PCDH15: variants seen among roughly 807,000 people sequenced by gnomAD.
PCDH15 encodes the protein protocadherin related 15, also known as protocadherin-15.
A neutral mutation model predicts 178.5 loss-of-function variants in PCDH15; 129 were observed. The observed-to-expected ratio is 0.72, with a 90% CI of 0.63 to 0.84. The LOEUF is 0.84. Ranked by LOEUF, PCDH15 falls within the 40% of genes least tolerant of loss-of-function variation. The pLI is 0.00. For synonymous variants in PCDH15, 800 were observed against 732.0 expected (o/e 1.09, Z -1.50); for missense variants, 2,230 against 2,099.9 (o/e 1.06, Z -1.21).
At chr10:54,221,347 G>A (rs1591263109) in intron 9 of PCDH15, among the ~76,000 whole-genome samples, 3 of 151,920 alleles carry the variant, frequency 2.0e-5, no homozygotes, top group Non-Finnish European at 2.9e-5. Flanking sequence ...TGAAGATTAC[G>A]GGTTTTCTGT....
At chr10:55,375,851 A>C (rs767490102) in intron 2 of PCDH15, among the ~76,000 whole-genome samples, 2 of 152,072 alleles carry the variant, frequency 1.3e-5, no homozygotes, top group Admixed American at 1.3e-4. Flanking sequence ...TTTAACAAAC[A>C]TCAGAAAAAT....
intron 2 of PCDH15, among the ~76,000 whole-genome samples, chr10:54,573,167 C>T (rs1177366873): frequency 6.6e-6 from 1 of 152,036 alleles, no homozygotes; most frequent in Admixed American, 6.6e-5. Flanking sequence ...TAAAGGATGT[C>T]TTTGACCCAA....
At chr10:54,152,820 C>A (rs1200201708) in intron 14 of PCDH15, among the ~76,000 whole-genome samples, 1 of 151,966 alleles carries the variant, frequency 6.6e-6, no homozygotes, top group African/African-American at 2.4e-5. Context: ...ACATTACATG[C>A]CACTGACACA....
intron 35 of PCDH15, 61 bp from the exon 36 acceptor site, chr10:53,811,680 G>A (rs1251037781): frequency 9.3e-7 from 1 of 1,071,038 alleles, no homozygotes; most frequent in Non-Finnish European, 1.3e-6. Context: ...TCAGGTCAAA[G>A]TCAGATTTCT....
intron 14 of PCDH15, among the ~76,000 whole-genome samples, chr10:54,151,095 A>G (rs2044481259): frequency 6.6e-6 from 1 of 152,156 alleles, no homozygotes; most frequent in African/African-American, 2.4e-5. Context: ...TTAAAAAGTC[A>G]ATAAAATAGA....
intron 2 of PCDH15, among the ~76,000 whole-genome samples, chr10:54,655,256 AAGAG>A (rs1173377441): frequency 0.029 from 1,428 of 48,804 alleles, 13 homozygotes; most frequent in Non-Finnish European, 0.036. Context: ...GAAAGAAAGA[AAGAG>A]AGAGAGAGAG....
At chr10:53,963,580 C>T (rs1039923834) in intron 21 of PCDH15, among the ~76,000 whole-genome samples, 2 of 152,106 alleles carry the variant, frequency 1.3e-5, no homozygotes, top group African/African-American at 4.8e-5. Context: ...ATTTTAAGTC[C>T]AAACTAGTAC....
chr10:54,179,283 A>G (rs1399886079), intron 13 of PCDH15, among the ~76,000 whole-genome samples: 1 of 152,086 alleles, frequency 6.6e-6, no homozygotes, highest in African/African-American at 2.4e-5. Flanking sequence ...CATAGATGAA[A>G]TTGGGAATCA....
intron 1 of PCDH15, among the ~76,000 whole-genome samples, chr10:55,224,846 A>C (rs1282019336): frequency 6.6e-6 from 1 of 151,552 alleles, no homozygotes; most frequent in Admixed American, 6.6e-5. Context: ...TTCCATTCTC[A>C]CTTCTGAAGC....
chr10:54,958,423 A>G (rs1838549470), intron 2 of PCDH15, among the ~76,000 whole-genome samples: 1 of 151,864 alleles, frequency 6.6e-6, no homozygotes, highest in South Asian at 2.1e-4. Flanking sequence ...CACTTTGAGA[A>G]GAGGAAAAAG....
intron 2 of PCDH15, among the ~76,000 whole-genome samples, chr10:55,375,757 T>C (rs1043313351): frequency 1.3e-5 from 2 of 149,758 alleles, no homozygotes; most frequent in African/African-American, 4.9e-5. Context: ...AGCCAGATGA[T>C]TTTTTTTTTA....
chr10:55,119,023 T>A (rs977222009), intron 2 of PCDH15, among the ~76,000 whole-genome samples: 15 of 152,152 alleles, frequency 9.9e-5, no homozygotes, highest in Non-Finnish European at 2.2e-4. Flanking sequence ...GGGCAGCCAG[T>A]TCTCTCATGG....
At chr10:54,867,909 T>C (rs1366695669) in intron 3 of PCDH15, among the ~76,000 whole-genome samples, 1 of 152,306 alleles carries the variant, frequency 6.6e-6, no homozygotes, top group South Asian at 2.1e-4. Flanking sequence ...TGACTAACTA[T>C]AATTAATAAT....
At chr10:54,860,356 G>A (rs1338583044) in intron 3 of PCDH15, among the ~76,000 whole-genome samples, 3 of 151,898 alleles carry the variant, frequency 2.0e-5, no homozygotes, top group African/African-American at 7.3e-5. Flanking sequence ...ATGTTCATGT[G>A]GTATACCCAA....
At chr10:55,606,347 A>C (rs1221773285) in intron 2 of PCDH15, among the ~76,000 whole-genome samples, 1 of 140,320 alleles carries the variant, frequency 7.1e-6, no homozygotes, top group Non-Finnish European at 1.5e-5. Flanking sequence ...ATTCAATGCC[A>C]TCCCCATCAA....
intron 2 of PCDH15, among the ~76,000 whole-genome samples, chr10:54,615,181 C>T (rs1937405): frequency 0.95 from 144,907 of 152,096 alleles, 69,122 homozygotes; most frequent in Non-Finnish European, 0.98. Flanking sequence ...AGAATAAACA[C>T]GCATTAAATA....
At chr10:54,418,278 CTGTT>C (rs1283285080) in intron 3 of PCDH15, among the ~76,000 whole-genome samples, 5 of 151,912 alleles carry the variant, frequency 3.3e-5, no homozygotes, top group Non-Finnish European at 7.4e-5. Flanking sequence ...ATTATTTTGA[CTGTT>C]TGTAGTCATA....
intron 2 of PCDH15, among the ~76,000 whole-genome samples, chr10:55,443,725 G>A (rs1033835220): frequency 6.6e-6 from 1 of 152,114 alleles, no homozygotes; most frequent in Non-Finnish European, 1.5e-5. Flanking sequence ...AGACAGTGTG[G>A]TGATTCCTCA....
intron 21 of PCDH15, among the ~76,000 whole-genome samples, chr10:53,963,285 T>C (rs1190416054): frequency 6.6e-6 from 1 of 152,188 alleles, no homozygotes; most frequent in Non-Finnish European, 1.5e-5. Flanking sequence ...TCCTTTCATA[T>C]ACTACACGTC....
Sources: allele counts gnomAD v4.1 joint callset (sites outside exome capture counted in the v4.1 genomes callset), GRCh38; gene constraint gnomAD v4.1.1; transcripts MANE v1.5; gene names NCBI Gene and HGNC (gene_info 2026-07-23, HGNC 2026-07-21).